PNLIPRP3: variants seen among roughly 807,000 people sequenced by gnomAD.
The protein encoded by PNLIPRP3 is pancreatic lipase-related protein 3.
Under a neutral mutation model 52.8 loss-of-function variants are expected in PNLIPRP3, and 58 were observed. The ratio of observed to expected loss-of-function variants is 1.10; its 90% CI spans 0.89 to 1.37. PNLIPRP3 has a LOEUF of 1.37. Among genes scored for constraint, PNLIPRP3 ranks in the 40% most tolerant of loss-of-function variants. The pLI, the probability that PNLIPRP3 is intolerant of heterozygous loss-of-function variation, is 0.00. For missense variants in PNLIPRP3, 593 were observed against 561.6 expected, an observed-to-expected ratio of 1.06 and a Z score of -0.57; for synonymous variants, 192 against 185.0, an observed-to-expected ratio of 1.04 and a Z score of -0.31.
At chr10:116,429,386 C>T (rs1003447118) in intron 1 of PNLIPRP3, among the ~76,000 whole-genome samples, 4 of 152,150 alleles carry the variant, frequency 2.6e-5, no homozygotes, top group Non-Finnish European at 5.9e-5. Context: ...ACTCAATCTG[C>T]AATTCATGTA....
intron 4 of PNLIPRP3, 102 bp downstream of exon 4, chr10:116,444,615 G>A: frequency 2.6e-6 from 3 of 1,155,464 alleles, no homozygotes; most frequent in South Asian, 1.5e-5. Flanking sequence ...GCTTAGACAG[G>A]TACTGAACAT....
intron 1 of PNLIPRP3, among the ~76,000 whole-genome samples, chr10:116,431,920 C>A (rs1242607730): frequency 2.0e-5 from 3 of 152,078 alleles, no homozygotes; most frequent in African/African-American, 4.8e-5. Context: ...CTCCTCTCCC[C>A]CCCAGGTCTT....
rs1846372452 is a variant in PNLIPRP3 at position 116,471,622 on chromosome 10, T to C, written c.1061-146T>C. The C allele has an allele frequency of 6.9e-6, 4 of 581,318 alleles. No individual in the cohort carries two copies. In the East Asian group the frequency reaches 1.3e-4, roughly 19 times the overall value. 36.0% of individuals were successfully genotyped at this position (581,318 alleles called of 1,614,324 possible). A position where few individuals can be genotyped will look rare whatever the true frequency, so the allele number is the denominator to read the frequency against. On this transcript the variant is annotated intron_variant, in intron 9 of 11. Transcript: ENST00000369230. Reference sequence around the variant, plus strand: ...AGTTTTTCACCAAATTCACTGAAACTAAAGTTGTATTTTTGCATGAATATG... The same window carrying C: ...AGTTTTTCACCAAATTCACTGAAACCAAAGTTGTATTTTTGCATGAATATG...
intron 5 of PNLIPRP3, among the ~76,000 whole-genome samples, chr10:116,457,913 A>T (rs1328726077): frequency 6.6e-6 from 1 of 152,228 alleles, no homozygotes; most frequent in Non-Finnish European, 1.5e-5. Flanking sequence ...ATGTCCAAAG[A>T]ATTAATATTA....
intron 4 of PNLIPRP3, among the ~76,000 whole-genome samples, chr10:116,452,511 A>G (rs982933547): frequency 2.6e-5 from 4 of 152,148 alleles, no homozygotes; most frequent in Non-Finnish European, 4.4e-5. Context: ...CATTTCAGAG[A>G]TCTTTGAGGC....
At chr10:116,472,837 A>G (rs1846396635) in intron 10 of PNLIPRP3, among the ~76,000 whole-genome samples, 1 of 152,096 alleles carries the variant, frequency 6.6e-6, no homozygotes, top group Non-Finnish European at 1.5e-5. Context: ...AATAGATCCT[A>G]CCCTTACCTT....
intron 1 of PNLIPRP3, among the ~76,000 whole-genome samples, chr10:116,434,000 A>G (rs746248439): frequency 6.6e-6 from 1 of 152,208 alleles, no homozygotes; most frequent in Non-Finnish European, 1.5e-5. Flanking sequence ...TTTTCCTGCC[A>G]CAAATAGCAA....
At chr10:116,448,316 A>T (rs184835249) in intron 4 of PNLIPRP3, among the ~76,000 whole-genome samples, 33 of 152,330 alleles carry the variant, frequency 2.2e-4, no homozygotes, top group Non-Finnish European at 4.4e-4. Flanking sequence ...ACTTTGGCGT[A>T]TATGATTGAA....
At position 116,476,563 on chromosome 10, in the gene PNLIPRP3, T is replaced by C. The variant is rs1589994071; in HGVS notation, c.1173-89T>C. The C allele has an allele frequency of 5.0e-6, 5 of 999,672 alleles. No homozygotes were observed. In the Admixed American group the frequency reaches 1.5e-4, roughly 29 times the overall value. The allele number at this position is 999,672 out of a possible 1,614,324, so 61.9% of individuals were successfully genotyped here. ...GCAAATGCTAGCAAATACAAGTTTCTCTTCCATAGTGCATACACAGATGTG... is the reference window on the plus strand; with the variant it reads ...GCAAATGCTAGCAAATACAAGTTTCCCTTCCATAGTGCATACACAGATGTG... On this transcript the variant is annotated intron_variant, in intron 10 of 11. Transcript: ENST00000369230.
Position 116,455,730 on chromosome 10 carries a change from T to C in PNLIPRP3, c.465T>C (p.Phe155=). 1 of 1,613,156 alleles carries C rather than the reference T, an allele frequency of 6.2e-7. No individual in the cohort carries two copies. Among genetic ancestry groups the C allele is most frequent in the Non-Finnish European group, 8.5e-7 (1 of 1,179,368 alleles). The change falls in exon 5 of 12, where the codon TTT becomes TTC. Residue 155 remains phenylalanine, a synonymous_variant. Coordinates refer to ENST00000369230, the MANE Select transcript of PNLIPRP3 (RefSeq NM_001011709.3). ...TTAAACAATTCTTTCAGAAAAAATT[T>C]GAATATTCCCCTTCTAAAGTGCACT... ...AYFIDVLMKK[F]EYSPSKVHLI...
intron 2 of PNLIPRP3, among the ~76,000 whole-genome samples, chr10:116,438,690 A>G (rs1845813199): frequency 6.6e-6 from 1 of 152,218 alleles, no homozygotes; most frequent in African/African-American, 2.4e-5. Flanking sequence ...TTCAACAACC[A>G]AGATATAGGA....
At chr10:116,431,474 C>T (rs1158581231) in intron 1 of PNLIPRP3, among the ~76,000 whole-genome samples, 1 of 152,046 alleles carries the variant, frequency 6.6e-6, no homozygotes. Context: ...TATTTTGAAA[C>T]ATGCTATGGT....
In PNLIPRP3 at chr10:116,436,842, A is replaced by G. The variant is rs770845391; in HGVS notation, c.181A>G (p.Ile61Val). The G allele has an allele frequency of 1.2e-5, 20 of 1,606,824 alleles. No individual in the cohort carries two copies. Among genetic ancestry groups the G allele is most frequent in the South Asian group, 1.1e-4 (10 of 89,846 alleles). Residue 61 changes from isoleucine (I) to valine (V), a missense_variant, in exon 2 of 12, where the codon ATA becomes GTA. Transcript: ENST00000369230. ...KINTRFLLYT[I>V]HNPNAYQEIS... is the part of the protein sequence containing the mutation. ...AAACACTCGTTTCCTGCTCTACACT[A>G]TACACAATCCCAATGCCTATCAGGT... is the stretch of plus-strand genomic sequence containing the variant.
At chr10:116,462,902 T>G (rs1846217211) in intron 7 of PNLIPRP3, among the ~76,000 whole-genome samples, 2 of 152,194 alleles carry the variant, frequency 1.3e-5, no homozygotes, top group South Asian at 4.1e-4. Context: ...AAAAGAACAT[T>G]TATCATTCAT....
In PNLIPRP3 at chr10:116,443,110, A is replaced by G. The variant is rs755015999; in HGVS notation, c.260A>G (p.Lys87Arg). The change falls in exon 3 of 12, where the codon AAG becomes AGG. Residue 87 changes from lysine (K) to arginine (R), a missense_variant. Coordinates refer to ENST00000369230, the MANE Select transcript of PNLIPRP3 (RefSeq NM_001011709.3). ...CAAGCCTCATATTTTGGAACAGACA[A>G]GATCACCCGTATCAACATAGCTGGA... ...TIQASYFGTD[K>R]ITRINIAGWK... 14 of 1,611,690 alleles carry G rather than the reference A, an allele frequency of 8.7e-6. No individual in the cohort carries two copies. In the South Asian group the frequency reaches 1.5e-4, roughly 18 times the overall value.
At chr10:116,448,690 GTGTTTTGTTTTGTTTTGTTT>G (rs55781366) in intron 4 of PNLIPRP3, among the ~76,000 whole-genome samples, 26 of 147,614 alleles carry the variant, frequency 1.8e-4, no homozygotes, top group Non-Finnish European at 3.6e-4. Flanking sequence ...CTATAAAAAG[GTGTTTTGTTTTGTTTTGTTT>G]TGTTTTGTTT....
rs1846475804 is a variant in PNLIPRP3 at position 116,476,764 on chromosome 10, CA to C, written c.1286del (p.Gln429ArgfsTer9). On this transcript the variant is annotated frameshift_variant, in exon 11 of 12. Transcript: ENST00000369230. LOFTEE classifies it high-confidence loss of function. ...IWKKHLFEDS[Q>X]NKLGAEMVIN... The stretch of plus-strand genomic sequence containing the variant: ...GAAAAAACATTTGTTTGAAGATTCT[CA>C]GAATAAGTTGGGAGCAGAAATGGTG... 1 of 1,610,594 alleles carries C rather than the reference CA, an allele frequency of 6.2e-7. No individual in the cohort carries two copies. The highest frequency in any genetic ancestry group is 8.5e-7 in the Non-Finnish European group (1 of 1,178,318).
intron 7 of PNLIPRP3, among the ~76,000 whole-genome samples, chr10:116,464,393 G>A (rs1296671971): frequency 6.6e-6 from 1 of 152,198 alleles, no homozygotes; most frequent in African/African-American, 2.4e-5. Flanking sequence ...AGCCTGCAGT[G>A]CCTCTGCTTG....
intron 9 of PNLIPRP3, 78 bp downstream of exon 9, chr10:116,469,395 C>T: frequency 7.3e-7 from 1 of 1,361,016 alleles, no homozygotes; most frequent in Non-Finnish European, 9.9e-7. Context: ...TATTGAGTGT[C>T]TACTAAATAA....
Sources: allele counts gnomAD v4.1 joint callset (sites outside exome capture counted in the v4.1 genomes callset), GRCh38; gene constraint gnomAD v4.1.1; transcripts MANE v1.5; gene names NCBI Gene and HGNC (gene_info 2026-07-23, HGNC 2026-07-21).